COL27A1: variants seen among roughly 807,000 people sequenced by gnomAD.
COL27A1 encodes the protein collagen type XXVII alpha 1 chain.
A neutral mutation model predicts 251.3 loss-of-function variants in COL27A1; 106 were observed. The observed-to-expected ratio is 0.42, with a 90% confidence interval of 0.36 to 0.50. The LOEUF (loss-of-function observed/expected upper bound fraction) is 0.50. Among genes scored for constraint, COL27A1 ranks in the 20% least tolerant of loss-of-function variants. The pLI, the probability that COL27A1 is intolerant of heterozygous loss-of-function variation, is 0.00. For synonymous variants in COL27A1, 1,000 were observed against 986.3 expected, an observed-to-expected ratio of 1.01 and a Z score of -0.26; for missense variants, 2,325 against 2,522.8, an observed-to-expected ratio of 0.92 and a Z score of 1.68.
intron 10 of COL27A1, 99 bp downstream of exon 10, chr9:114,206,395 C>A: frequency 2.5e-6 from 3 of 1,217,494 alleles, no homozygotes; most frequent in Non-Finnish European, 3.6e-6. Flanking sequence ...ATAAGGAGAG[C>A]CAAGGCCCTC....
At chr9:114,304,336 G>A (rs1300009688) in intron 56 of COL27A1, among the ~76,000 whole-genome samples, 1 of 152,218 alleles carries the variant, frequency 6.6e-6, no homozygotes, top group Non-Finnish European at 1.5e-5. Context: ...AGGAGACATG[G>A]CTCAAGACCA....
At chr9:114,294,393 G>C (rs1327891052) in intron 49 of COL27A1, among the ~76,000 whole-genome samples, 1 of 151,928 alleles carries the variant, frequency 6.6e-6, no homozygotes, top group Non-Finnish European at 1.5e-5. Flanking sequence ...TACAAGAAAA[G>C]GAAACAATAC....
chr9:114,197,557 T>A (rs1006485226), intron 7 of COL27A1, among the ~76,000 whole-genome samples: 1 of 152,150 alleles, frequency 6.6e-6, no homozygotes, highest in Non-Finnish European at 1.5e-5. Flanking sequence ...TCGGGTGGTC[T>A]TGTTCTGCAT....
rs1274832998 is a variant in COL27A1, at chr9:114,169,299, C to A, written c.1744C>A (p.Pro582Thr). ...TTRPSPRQPQ[P>T]SQQTTPALVL... ...CAGGCCTAGCCCCAGACAGCCCCAG[C>A]CCAGTCAGCAGACCACCCCGGCCCT... Residue 582 changes from proline to threonine, a missense_variant, in exon 3 of 61, where the codon CCC becomes ACC. Physicochemically the swap from Pro to Thr is conservative, Grantham distance 38 (BLOSUM62 -1). Transcript: ENST00000356083. 1 of 1,612,606 alleles carries A rather than the reference C, an allele frequency of 6.2e-7. No individual in the cohort carries two copies. Among genetic ancestry groups the A allele is most frequent in the Non-Finnish European group, 8.5e-7 (1 of 1,179,406 alleles).
chr9:114,260,434 G>A (rs1372694335), intron 28 of COL27A1, among the ~76,000 whole-genome samples: 3 of 152,144 alleles, frequency 2.0e-5, no homozygotes, highest in Admixed American at 6.5e-5. Flanking sequence ...GGCACCCACC[G>A]TGCCTGTGAA....
In COL27A1 at chr9:114,214,784, G is replaced by A. The variant is rs190778423; in HGVS notation, c.2367+3758G>A. 1.4e-3 allele frequency among the ~76,000 whole-genome samples: 208 copies of A among 152,352 alleles called. 1 individual carries two copies. Among genetic ancestry groups the A allele is most frequent in the East Asian group, 3.9e-4 (2 of 5,182 alleles). On this transcript the variant is annotated intron_variant, in intron 12 of 60. Transcript: ENST00000356083. ...TCCCTCCTCATACCTCCTGCTAAGA[G>A]AACGTGTTGTGGTTTTCTGGCGAGG...
At chr9:114,192,459 G>A (rs1828811722) in intron 5 of COL27A1, among the ~76,000 whole-genome samples, 1 of 152,184 alleles carries the variant, frequency 6.6e-6, no homozygotes, top group Admixed American at 6.5e-5. Context: ...CCAGAGGTGA[G>A]GTTCTGCAGA....
At chr9:114,229,323 C>T (rs928367171) in intron 14 of COL27A1, among the ~76,000 whole-genome samples, 2 of 152,258 alleles carry the variant, frequency 1.3e-5, no homozygotes, top group Non-Finnish European at 2.9e-5. Flanking sequence ...GAGCTGCCAT[C>T]TGCAAACTCC....
intron 40 of COL27A1, among the ~76,000 whole-genome samples, chr9:114,284,446 GA>G (rs1003349270): frequency 1.3e-5 from 2 of 152,204 alleles, no homozygotes; most frequent in African/African-American, 4.8e-5. Flanking sequence ...CTGGCTGGGA[GA>G]ACAAAGCTGG....
rs956892736 is a variant in COL27A1, at chr9:114,169,224, C to T, written c.1669C>T (p.Leu557Phe). The T allele has an allele frequency of 1.5e-5, 24 of 1,613,898 alleles. No individual in the cohort carries two copies. In the Admixed American group the frequency reaches 2.0e-4, roughly 13 times the overall value. Residue 557 changes from leucine to phenylalanine, a missense_variant, in exon 3 of 61, where the codon CTC becomes TTC. By Grantham distance (22) the Leu-to-Phe change is conservative (BLOSUM62 0). Coordinates refer to ENST00000356083, the MANE Select transcript of COL27A1 (RefSeq NM_032888.4). ...GAGCAGCCCCCGGAAGCCTGTCCCC[C>T]TCAGACCTGGGAAGGCAGCCAGGGA... ...PKSSPRKPVP[L>F]RPGKAARDVP...
intron 5 of COL27A1, among the ~76,000 whole-genome samples, chr9:114,192,569 G>T (rs968934339): frequency 6.6e-6 from 1 of 152,106 alleles, no homozygotes; most frequent in African/African-American, 2.4e-5. Context: ...AAGCACCCAG[G>T]CCTCCCATTT....
intron 14 of COL27A1, among the ~76,000 whole-genome samples, chr9:114,222,750 C>A (rs1018730984): frequency 1.3e-5 from 2 of 152,098 alleles, no homozygotes; most frequent in African/African-American, 4.8e-5. Context: ...GCCAGACCAC[C>A]TAGGTTCAAG....
intron 36 of COL27A1, chr9:114,272,902 T>C (rs894716398): frequency 1.3e-5 from 2 of 152,182 alleles, no homozygotes; most frequent in African/African-American, 4.8e-5. Flanking sequence ...CACACAGCAC[T>C]GACTCACTCG....
intron 28 of COL27A1, 85 bp downstream of exon 28, chr9:114,258,679 C>A: frequency 1.4e-6 from 2 of 1,391,280 alleles, no homozygotes; most frequent in Non-Finnish European, 2.0e-6. Context: ...ACTGCCTGGG[C>A]TTTGCCCCTA....
intron 60 of COL27A1, among the ~76,000 whole-genome samples, chr9:114,310,240 TA>T (rs1290996475): frequency 6.6e-6 from 1 of 151,954 alleles, no homozygotes; most frequent in Non-Finnish European, 1.5e-5. Context: ...AAAAATAAAT[TA>T]AAAAATATAT....
chr9:114,295,703 G>A (rs80135351), intron 49 of COL27A1, among the ~76,000 whole-genome samples: 11,650 of 152,032 alleles, frequency 0.077, 720 homozygotes, highest in East Asian at 0.23. Context: ...TGTTGCCCAG[G>A]CTGGAGTGCA....
intron 27 of COL27A1, among the ~76,000 whole-genome samples, chr9:114,255,777 G>A (rs1833877015): frequency 6.6e-6 from 1 of 152,206 alleles, no homozygotes; most frequent in Non-Finnish European, 1.5e-5. Flanking sequence ...CTCCTGGCCA[G>A]CGACACTGGG....
chr9:114,247,257 T>A (rs749790291), intron 24 of COL27A1, among the ~76,000 whole-genome samples: 1 of 152,142 alleles, frequency 6.6e-6, no homozygotes, highest in Non-Finnish European at 1.5e-5. Flanking sequence ...GCCTTAGTGA[T>A]GTATTTTGAG....
intron 3 of COL27A1, among the ~76,000 whole-genome samples, chr9:114,169,969 T>A (rs1849192178): frequency 6.6e-6 from 1 of 152,240 alleles, no homozygotes; most frequent in Non-Finnish European, 1.5e-5. Context: ...TGTTCTTTTT[T>A]AAAAATCCAA....
Sources: gnomAD v4.1 joint callset for allele counts (sites outside exome capture counted in the v4.1 genomes callset) on GRCh38, gnomAD v4.1.1 for gene constraint, MANE v1.5 for transcripts, NCBI Gene and HGNC (gene_info 2026-07-23, HGNC 2026-07-21) for gene names.